The following IPO11 variants were observed in gnomAD, a reference collection of about 807,000 sequenced individuals.
The protein encoded by IPO11 is importin-11.
Under a neutral mutation model 143.2 loss-of-function variants are expected in IPO11, and 66 were observed. The ratio of observed to expected loss-of-function variants is 0.46; its 90% CI spans 0.38 to 0.57. The LOEUF (loss-of-function observed/expected upper bound fraction) is 0.57, where lower values mean the gene tolerates loss of function less well. IPO11 is among the 20% of genes least tolerant of loss of function. The probability of loss-of-function intolerance (pLI) is 0.00; values close to 1 mark genes in which losing one functional copy is unlikely to be tolerated. For synonymous variants in IPO11, 385 were observed against 377.8 expected, an observed-to-expected ratio of 1.02 and a Z score of -0.22; for missense variants, 1,026 against 1,141.0, an observed-to-expected ratio of 0.90 and a Z score of 1.45.
At chr5:62,482,336 A>G (rs1255383030) in intron 9 of IPO11, among the ~76,000 whole-genome samples, 2 of 152,094 alleles carry the variant, frequency 1.3e-5, no homozygotes, top group African/African-American at 4.8e-5. Context: ...TAGCTTTGGA[A>G]TGTGTTTGCT....
intron 1 of IPO11, among the ~76,000 whole-genome samples, chr5:62,419,615 G>C (rs1198856745): frequency 6.6e-6 from 1 of 151,944 alleles, no homozygotes; most frequent in African/African-American, 2.4e-5. Context: ...GACTTCTTCT[G>C]AATTATCTCC....
chr5:62,439,681 A>G (rs706650), intron 2 of IPO11, among the ~76,000 whole-genome samples: 104,890 of 151,532 alleles, frequency 0.69, 36,672 homozygotes, highest in African/African-American at 0.78. Context: ...CTTGGCCTCC[A>G]AATGTCTTTA....
chr5:62,461,784 T>G (rs1580206329), intron 5 of IPO11, among the ~76,000 whole-genome samples: 1 of 152,258 alleles, frequency 6.6e-6, no homozygotes, highest in Non-Finnish European at 1.5e-5. Context: ...ACAGGTTAAG[T>G]ACTTCTTATC....
chr5:62,425,351 G>A (rs152205), intron 1 of IPO11, among the ~76,000 whole-genome samples: 1 of 151,998 alleles, frequency 6.6e-6, no homozygotes, highest in Admixed American at 6.6e-5. Flanking sequence ...GAGTTTTGCT[G>A]TTGTTGCCCA....
chr5:62,433,532 G>A (rs1282797101), intron 1 of IPO11, among the ~76,000 whole-genome samples: 1 of 152,144 alleles, frequency 6.6e-6, no homozygotes, highest in East Asian at 1.9e-4. Context: ...GTAGCCCACA[G>A]ATTTTGGGTA....
chr5:62,623,029 C>T (rs1302000512), intron 29 of IPO11, among the ~76,000 whole-genome samples: 1 of 152,202 alleles, frequency 6.6e-6, no homozygotes, highest in Admixed American at 6.5e-5. Flanking sequence ...CTGCTGGACT[C>T]ATACTCTTCA....
intron 24 of IPO11, among the ~76,000 whole-genome samples, chr5:62,538,819 A>G (rs538420001): frequency 6.6e-6 from 1 of 152,314 alleles, no homozygotes; most frequent in South Asian, 2.1e-4. Context: ...ATCCCTGTTG[A>G]TAAGTGGTGC....
At chr5:62,425,348 G>C (rs1485751547) in intron 1 of IPO11, among the ~76,000 whole-genome samples, 1 of 152,024 alleles carries the variant, frequency 6.6e-6, no homozygotes, top group African/African-American at 2.4e-5. Context: ...ACGGAGTTTT[G>C]CTGTTGTTGC....
At chr5:62,546,596 TA>T (rs1037898831) in intron 24 of IPO11, among the ~76,000 whole-genome samples, 12 of 148,006 alleles carry the variant, frequency 8.1e-5, no homozygotes, top group African/African-American at 9.9e-5. Context: ...TTGAAGTATA[TA>T]AAAAAAAAAC....
intron 12 of IPO11, among the ~76,000 whole-genome samples, chr5:62,486,791 A>G (rs1471322042): frequency 6.6e-6 from 1 of 152,134 alleles, no homozygotes; most frequent in Non-Finnish European, 1.5e-5. Context: ...ATAGAATAAT[A>G]TAATGAGCCC....
chr5:62,485,602 G>A, intron 12 of IPO11, 140 bp downstream of exon 12: 1 of 669,020 alleles, frequency 1.5e-6, no homozygotes, highest in Non-Finnish European at 2.5e-6. Context: ...ACTTTGGGAA[G>A]CCAAGGTGGG....
At chr5:62,525,256 TA>T (rs1379402648) in intron 20 of IPO11, among the ~76,000 whole-genome samples, 1 of 152,210 alleles carries the variant, frequency 6.6e-6, no homozygotes, top group African/African-American at 2.4e-5. Flanking sequence ...TCTAGATATT[TA>T]AAAAAATTCT....
rs1273200828 is a variant in IPO11 at position 62,551,278 on chromosome 5, A to T, written c.2402A>T (p.Gln801Leu). The change falls in exon 26 of 30, where the codon CAA (glutamine) becomes CTA (leucine). Residue 801 changes from glutamine (Q) to leucine (L), a missense_variant. Gln to Leu is a moderately radical substitution (Grantham distance 113, BLOSUM62 -2). Transcript: ENST00000325324. Reference protein sequence around the residue: ...YLGVMGRVLLQNTSFFSSLLN... With the variant: ...YLGVMGRVLLLNTSFFSSLLN... ...GGAGTTATGGGTCGAGTTCTACTACAAAACACTAGTTTTTTTTCTTCACTA... is the reference window on the plus strand; with the variant it reads ...GGAGTTATGGGTCGAGTTCTACTACTAAACACTAGTTTTTTTTCTTCACTA... 27 of 1,611,084 alleles carry T rather than the reference A, an allele frequency of 1.7e-5. No individual in the cohort carries two copies. Among genetic ancestry groups the T allele is most frequent in the Non-Finnish European group, 2.2e-5 (26 of 1,178,362 alleles).
At chr5:62,565,543 GAAAC>G (rs1397534112) in intron 27 of IPO11, among the ~76,000 whole-genome samples, 3 of 152,088 alleles carry the variant, frequency 2.0e-5, no homozygotes, top group Admixed American at 2.0e-4. Context: ...ATGAAGAAAA[GAAAC>G]AAACTAACAC....
chr5:62,432,281 T>C (rs1368487246), intron 1 of IPO11, among the ~76,000 whole-genome samples: 5 of 152,170 alleles, frequency 3.3e-5, no homozygotes, highest in Non-Finnish European at 7.4e-5. Context: ...TGCTGCCCTG[T>C]GGTAGAGCTT....
rs79826268 is a variant in IPO11 at position 62,609,604 on chromosome 5, C to A, written c.2763+7756C>A. Among the ~76,000 whole-genome samples, 1,144 of 152,322 alleles carry A rather than the reference C, an allele frequency of 7.5e-3. 16 individuals carry two copies. Among genetic ancestry groups the A allele is most frequent in the African/African-American group, 0.026 (1,078 of 41,560 alleles). On this transcript the variant is annotated intron_variant, in intron 29 of 29. Coordinates refer to ENST00000325324, the MANE Select transcript of IPO11 (RefSeq NM_016338.5). ...AGGAGCTCCTAGACCAGTGTAGAGA[C>A]AGAACTGAGATGTAGGGCTGACAAC...
chr5:62,554,869 C>T (rs1171846429), intron 26 of IPO11, among the ~76,000 whole-genome samples: 2 of 152,114 alleles, frequency 1.3e-5, no homozygotes, highest in African/African-American at 4.8e-5. Flanking sequence ...GCACACACCA[C>T]CATGTCTGGC....
At chr5:62,627,097 G>C in intron 29 of IPO11, 57 bp from the exon 30 acceptor site, 1 of 1,493,434 alleles carries the variant, frequency 6.7e-7, no homozygotes, top group Non-Finnish European at 9.1e-7. Context: ...GTAAATTGCA[G>C]GTAGGAGAGA....
chr5:62,613,377 A>G (rs948213721), intron 29 of IPO11, among the ~76,000 whole-genome samples: 1 of 131,754 alleles, frequency 7.6e-6, no homozygotes, highest in Non-Finnish European at 1.5e-5. Context: ...GATCTGGCTC[A>G]CTGCAACCTC....
Sources: allele counts gnomAD v4.1 joint callset (sites outside exome capture counted in the v4.1 genomes callset), GRCh38; gene constraint gnomAD v4.1.1; transcripts MANE v1.5; gene names NCBI Gene and HGNC (gene_info 2026-07-23, HGNC 2026-07-21).